Variants in NRG3 observed in about 807,000 individuals in gnomAD.
The protein encoded by NRG3 is pro-neuregulin-3, membrane-bound isoform.
A neutral mutation model predicts 66.9 loss-of-function variants in NRG3; 31 were observed. That is an observed-to-expected ratio of 0.46 (90% CI 0.35 to 0.63). The LOEUF is 0.63. NRG3 is among the 20% of genes least tolerant of loss of function. The pLI, the probability that NRG3 is intolerant of heterozygous loss-of-function variation, is 0.00. For missense variants in NRG3, 910 were observed against 878.9 expected (o/e 1.04, Z -0.45); for synonymous variants, 393 against 359.4 (o/e 1.09, Z -1.06).
intron 2 of NRG3, among the ~76,000 whole-genome samples, chr10:82,585,043 G>A (rs2133251316): frequency 6.6e-6 from 1 of 151,970 alleles, no homozygotes; most frequent in Non-Finnish European, 1.5e-5. Context: ...TTGGCTGTAT[G>A]GGTGAGTATA....
chr10:82,919,269 T>G (rs1564630734), intron 4 of NRG3, among the ~76,000 whole-genome samples: 1 of 152,200 alleles, frequency 6.6e-6, no homozygotes, highest in East Asian at 1.9e-4. Context: ...TGCACCCTTC[T>G]GCAGTATACA....
chr10:82,795,172 C>G (rs940786175), intron 3 of NRG3, among the ~76,000 whole-genome samples: 1 of 152,076 alleles, frequency 6.6e-6, no homozygotes, highest in African/African-American at 2.4e-5. Context: ...AAAGAGAAAG[C>G]AGTATTTTTT....
chr10:82,349,239 T>G (rs1415089603), intron 1 of NRG3, among the ~76,000 whole-genome samples: 3 of 151,612 alleles, frequency 2.0e-5, no homozygotes, highest in Non-Finnish European at 2.9e-5. Flanking sequence ...ACAGATGGGT[T>G]TTTGGTGTGG....
intron 2 of NRG3, among the ~76,000 whole-genome samples, chr10:82,683,235 G>A (rs1482747938): frequency 6.6e-6 from 1 of 151,972 alleles, no homozygotes; most frequent in South Asian, 2.1e-4. Context: ...GATTACAGGC[G>A]TGAGCCACTG....
intron 1 of NRG3, among the ~76,000 whole-genome samples, chr10:82,040,289 T>C (rs935321586): frequency 2.6e-5 from 4 of 152,042 alleles, no homozygotes; most frequent in Non-Finnish European, 4.4e-5. Flanking sequence ...TATACATCCA[T>C]GCATATGTAT....
At chr10:82,495,505 A>G (rs1020879715) in intron 2 of NRG3, among the ~76,000 whole-genome samples, 5 of 151,826 alleles carry the variant, frequency 3.3e-5, no homozygotes, top group African/African-American at 7.3e-5. Context: ...TAGGTCTCAC[A>G]TCTCAGAATC....
intron 2 of NRG3, among the ~76,000 whole-genome samples, chr10:82,416,798 A>G (rs1440639255): frequency 2.0e-5 from 3 of 152,138 alleles, no homozygotes; most frequent in Non-Finnish European, 4.4e-5. Flanking sequence ...TGATGTGAGA[A>G]AGTCAGGTCT....
intron 1 of NRG3, among the ~76,000 whole-genome samples, chr10:82,151,150 A>G (rs1035481848): frequency 6.6e-6 from 1 of 152,182 alleles, no homozygotes; most frequent in African/African-American, 2.4e-5. Flanking sequence ...AAAGGAACAG[A>G]GGAACGGCTG....
At chr10:82,599,441 A>T (rs1486973325) in intron 2 of NRG3, among the ~76,000 whole-genome samples, 5 of 152,160 alleles carry the variant, frequency 3.3e-5, no homozygotes, top group Admixed American at 2.6e-4. Context: ...GAGAGTTTTA[A>T]CGTTCAAACC....
At chr10:82,776,518 G>A (rs887743246) in intron 3 of NRG3, among the ~76,000 whole-genome samples, 1 of 152,088 alleles carries the variant, frequency 6.6e-6, no homozygotes, top group Non-Finnish European at 1.5e-5. Context: ...TAAGCTTTAT[G>A]TGCCTTTTTC....
chr10:82,377,486 G>T (rs998797367), intron 2 of NRG3, among the ~76,000 whole-genome samples: 4 of 151,982 alleles, frequency 2.6e-5, no homozygotes, highest in African/African-American at 7.3e-5. Context: ...GAGTTCATCA[G>T]CCTGCCCGAC....
chr10:82,340,188 A>G (rs899543108), intron 1 of NRG3, among the ~76,000 whole-genome samples: 5 of 152,206 alleles, frequency 3.3e-5, no homozygotes, highest in Non-Finnish European at 7.3e-5. Context: ...CAACCCATCC[A>G]AATGAGAACA....
chr10:82,053,700 G>T (rs545233096), intron 1 of NRG3, among the ~76,000 whole-genome samples: 1 of 152,290 alleles, frequency 6.6e-6, no homozygotes, highest in Admixed American at 6.5e-5. Flanking sequence ...GAAACTGATA[G>T]TAATACTATA....
At chr10:82,899,460 A>C (rs1217363706) in intron 4 of NRG3, among the ~76,000 whole-genome samples, 1 of 152,242 alleles carries the variant, frequency 6.6e-6, no homozygotes, top group East Asian at 1.9e-4. Context: ...ATATCAGTAC[A>C]TAAATAGTGA....
At chr10:82,172,851 C>T (rs1263763771) in intron 1 of NRG3, among the ~76,000 whole-genome samples, 1 of 152,080 alleles carries the variant, frequency 6.6e-6, no homozygotes, top group African/African-American at 2.4e-5. Flanking sequence ...CCTTCTTTTA[C>T]ATCATTCCCA....
At chr10:82,511,359 T>A (rs1277614536) in intron 2 of NRG3, among the ~76,000 whole-genome samples, 5 of 152,210 alleles carry the variant, frequency 3.3e-5, no homozygotes, top group Non-Finnish European at 5.9e-5. Context: ...TCCCAGCTTA[T>A]CACTTAAAAT....
In NRG3 at chr10:82,504,695, A is replaced by G. The variant is rs78491042; in HGVS notation, c.953+145827A>G. 1.0e-2 allele frequency among the ~76,000 whole-genome samples: 1,517 copies of G among 152,326 alleles called. 30 individuals carry two copies. The highest frequency in any genetic ancestry group is 0.035 in the African/African-American group (1,442 of 41,564). ...AATGTGGAAAAGTAAGCCCAAATAC[A>G]AAGTAAGCGCCATCACGTTTGGGAT... On this transcript the variant is annotated intron_variant, in intron 2 of 8. Transcript: ENST00000372141.
At chr10:82,619,350 C>A (rs1006614064) in intron 2 of NRG3, among the ~76,000 whole-genome samples, 4 of 152,140 alleles carry the variant, frequency 2.6e-5, no homozygotes, top group Non-Finnish European at 1.5e-5. Flanking sequence ...TGATAAAGAA[C>A]TAAGACTCTA....
intron 1 of NRG3, among the ~76,000 whole-genome samples, chr10:82,122,120 A>G (rs2068129473): frequency 6.6e-6 from 1 of 152,162 alleles, no homozygotes; most frequent in South Asian, 2.1e-4. Flanking sequence ...TGCTGTGAGG[A>G]TTATATGAAT....
Sources: gnomAD v4.1 joint callset for allele counts (sites outside exome capture counted in the v4.1 genomes callset) on GRCh38, gnomAD v4.1.1 for gene constraint, MANE v1.5 for transcripts, NCBI Gene and HGNC (gene_info 2026-07-23, HGNC 2026-07-21) for gene names.